MACF1: variants seen among roughly 807,000 people sequenced by gnomAD.
MACF1 encodes microtubule actin crosslinking factor 1.
MACF1 carries 193 observed loss-of-function variants against 854.8 expected under a neutral mutation model. The ratio of observed to expected loss-of-function variants is 0.23; its 90% confidence interval spans 0.20 to 0.25. MACF1 has a LOEUF of 0.25. Among genes scored for constraint, MACF1 ranks in the 10% least tolerant of loss-of-function variants. MACF1 has a pLI of 1.00. For synonymous variants in MACF1, 3,185 were observed against 3,226.7 expected (o/e 0.99, Z 0.44); for missense variants, 7,722 against 8,929.1 (o/e 0.86, Z 5.45).
chr1:39,411,639 C>T lies in MACF1; in HGVS notation c.15817-10735C>T, dbSNP rs1217848195. The T allele has an allele frequency of 5.0e-6, 8 of 1,613,764 alleles. No homozygotes were observed. The East Asian group carries it at 1.8e-4, about 36-fold the overall frequency. ...TGGGTACTATTGATGCAGAACAGCT[C>T]TCTGACACAGACTCAGTGCAGATGT... On this transcript the variant is annotated intron_variant, in intron 58 of 100. Coordinates refer to ENST00000564288, the MANE Select transcript of MACF1 (RefSeq NM_001394062.1).
At position 39,437,890 on chromosome 1, in the gene MACF1, C is replaced by T. The variant is rs766713562; in HGVS notation, c.18102C>T (p.Asp6034=). Residue 6034 remains aspartate (D), a synonymous_variant, in exon 71 of 101, where the codon GAC becomes GAT. Transcript: ENST00000564288. ...EVDKIRECIS[D]NKSATVELEK... is the part of the protein sequence containing the mutation. The stretch of plus-strand genomic sequence containing the variant: ...ACAAGATCAGAGAGTGCATCAGTGA[C>T]AATAAGAGTGCCACCGTGGAGCTAG... 9 of 1,614,012 alleles carry T rather than the reference C, an allele frequency of 5.6e-6. No individual in the cohort carries two copies. In the East Asian group the frequency reaches 6.7e-5, roughly 12 times the overall value.
intron 55 of MACF1, among the ~76,000 whole-genome samples, chr1:39,381,525 A>G (rs1044674328): frequency 1.6e-4 from 25 of 152,176 alleles, no homozygotes; most frequent in Middle Eastern, 3.4e-3. Flanking sequence ...TGCTACCACA[A>G]CTAGCCAATT....
intron 2 of MACF1, among the ~76,000 whole-genome samples, chr1:39,151,512 G>A (rs141720806): frequency 0.01 from 1,529 of 152,200 alleles, 10 homozygotes; most frequent in Non-Finnish European, 0.016. Flanking sequence ...TTATTCTTCC[G>A]AAGTAGAAAG....
chr1:39,423,246 T>C (rs959796905), intron 60 of MACF1, among the ~76,000 whole-genome samples: 1 of 152,228 alleles, frequency 6.6e-6, no homozygotes, highest in Non-Finnish European at 1.5e-5. Flanking sequence ...GTTTAATTTC[T>C]ATTTTAGTGC....
intron 58 of MACF1, chr1:39,410,561 T>C (rs753384368): frequency 3.7e-6 from 6 of 1,613,974 alleles, no homozygotes; most frequent in Non-Finnish European, 5.1e-6. Context: ...AGGATAATAT[T>C]TGATGCACTA....
intron 5 of MACF1, among the ~76,000 whole-genome samples, chr1:39,257,196 A>C (rs946316215): frequency 6.6e-6 from 1 of 152,244 alleles, no homozygotes; most frequent in South Asian, 2.1e-4. Context: ...AAAGAGTAGC[A>C]TATCTCTATA....
At chr1:39,135,419 G>T (rs1571084191) in intron 2 of MACF1, among the ~76,000 whole-genome samples, 1 of 151,922 alleles carries the variant, frequency 6.6e-6, no homozygotes, top group East Asian at 1.9e-4. Context: ...ACTAATTTTT[G>T]TATTTTTTTA....
chr1:39,284,438 C>T lies in MACF1; in HGVS notation c.1131+10C>T, dbSNP rs367574401. 11 of 1,551,904 alleles carry T rather than the reference C, an allele frequency of 7.1e-6. No homozygotes were observed. Among genetic ancestry groups the T allele is most frequent in the African/African-American group, 2.8e-5 (2 of 72,404 alleles). ...ATATAAATTACTAGAGGTAAGTGAG[C>T]TTATCCTTTGCTGAGACTTGGGGTT... is the stretch of plus-strand genomic sequence containing the variant. On this transcript the variant is annotated intron_variant, in intron 11 of 100. Coordinates refer to ENST00000564288, the MANE Select transcript of MACF1 (RefSeq NM_001394062.1).
At chr1:39,242,736 CAAAA>C (rs36020944) in intron 2 of MACF1, among the ~76,000 whole-genome samples, 3 of 135,342 alleles carry the variant, frequency 2.2e-5, no homozygotes, top group Non-Finnish European at 3.1e-5. Flanking sequence ...ACCCTATCTC[CAAAA>C]AAAAAAAAAA....
intron 23 of MACF1, among the ~76,000 whole-genome samples, chr1:39,303,625 G>A (rs1237077480): frequency 6.6e-6 from 1 of 151,390 alleles, no homozygotes; most frequent in East Asian, 1.9e-4. Flanking sequence ...GCCGAGGGAG[G>A]CGGATCACTT....
At chr1:39,401,969 TG>T (rs1412396797) in intron 58 of MACF1, among the ~76,000 whole-genome samples, 1 of 152,212 alleles carries the variant, frequency 6.6e-6, no homozygotes, top group African/African-American at 2.4e-5. Context: ...CCCAGCACTT[TG>T]GGAGGCCAAG....
intron 18 of MACF1, among the ~76,000 whole-genome samples, chr1:39,293,923 G>A (rs1477979833): frequency 6.6e-6 from 1 of 152,066 alleles, no homozygotes; most frequent in Non-Finnish European, 1.5e-5. Flanking sequence ...GCTTTGGAGT[G>A]CCTAAGTTCA....
chr1:39,329,467 G>A (rs769940772), intron 36 of MACF1, among the ~76,000 whole-genome samples: 10 of 152,086 alleles, frequency 6.6e-5, no homozygotes, highest in Non-Finnish European at 1.3e-4. Flanking sequence ...AGACCTTCAT[G>A]GACAATGGAT....
chr1:39,162,664 A>G (rs920038094), intron 2 of MACF1, among the ~76,000 whole-genome samples: 2 of 152,138 alleles, frequency 1.3e-5, no homozygotes, highest in African/African-American at 4.8e-5. Flanking sequence ...CAAGTTTTCT[A>G]TAACTTTCAT....
chr1:39,151,190 C>T (rs1571104817), intron 2 of MACF1, among the ~76,000 whole-genome samples: 1 of 152,262 alleles, frequency 6.6e-6, no homozygotes, highest in Admixed American at 6.5e-5. Flanking sequence ...GATAATCTTC[C>T]TTCTCTTTGT....
chr1:39,351,936 G>A (rs1284299363), intron 43 of MACF1, among the ~76,000 whole-genome samples: 1 of 152,066 alleles, frequency 6.6e-6, no homozygotes, highest in Admixed American at 6.6e-5. Flanking sequence ...AAGAGTACTA[G>A]GGAAAAATAT....
chr1:39,311,788 A>G (rs760915382), intron 26 of MACF1, among the ~76,000 whole-genome samples: 6 of 152,188 alleles, frequency 3.9e-5, no homozygotes, highest in Non-Finnish European at 8.8e-5. Context: ...AGGAACTTAG[A>G]GTGTTTCTAG....
At chr1:39,200,749 T>A (rs1644380521), upstream of MACF1, among the ~76,000 whole-genome samples, 1 of 150,562 alleles carries the variant, frequency 6.6e-6, no homozygotes, top group African/African-American at 2.4e-5. Context: ...CTCCCTGAAC[T>A]CTAGATTCAT....
intron 19 of MACF1, among the ~76,000 whole-genome samples, 158 bp downstream of exon 19, chr1:39,295,308 C>T (rs779143580): frequency 1.2e-4 from 18 of 152,188 alleles, no homozygotes; most frequent in Non-Finnish European, 1.8e-4. Flanking sequence ...GTTCCTATGT[C>T]CCTCAAAAGC....
Sources: allele counts gnomAD v4.1 joint callset (sites outside exome capture counted in the v4.1 genomes callset), GRCh38; gene constraint gnomAD v4.1.1; transcripts MANE v1.5; gene names NCBI Gene and HGNC (gene_info 2026-07-23, HGNC 2026-07-21).